Variants in MBTPS1 observed in about 807,000 individuals in gnomAD.
MBTPS1 encodes membrane bound transcription factor peptidase, site 1.
Under a neutral mutation model 127.8 loss-of-function variants are expected in MBTPS1, and 94 were observed. The ratio of observed to expected loss-of-function variants is 0.74; its 90% CI spans 0.62 to 0.87. MBTPS1 has a LOEUF of 0.87. Ranked by LOEUF, MBTPS1 falls within the 40% of genes least tolerant of loss-of-function variation. The pLI is 0.00. For synonymous variants in MBTPS1, 632 were observed against 509.4 expected, an observed-to-expected ratio of 1.24 and a Z score of -3.24; for missense variants, 1,636 against 1,353.2, an observed-to-expected ratio of 1.21 and a Z score of -3.28.
At chr16:84,114,229 G>A (rs144777195) in intron 1 of MBTPS1, among the ~76,000 whole-genome samples, 5,742 of 152,156 alleles carry the variant, frequency 0.038, 169 homozygotes, top group Non-Finnish European at 0.063. Context: ...CCAAAGTGCT[G>A]GGATTACAGG....
At position 84,109,925 on chromosome 16, in the gene MBTPS1, G is replaced by T. The variant is rs1483701650; in HGVS notation, c.-325+6810C>A. On this transcript the variant is annotated intron_variant, in intron 1 of 22. Transcript: ENST00000343411. The stretch of plus-strand genomic sequence containing the variant: ...AAAATACACCCACTAAAACACCGGG[G>T]GATAATGGAGTATCAGGTCTGCAAT... Among the ~76,000 whole-genome samples the T allele has an allele frequency of 3.3e-5, 5 of 152,124 alleles. No individual in the cohort carries two copies. The East Asian group carries it at 9.6e-4, about 29-fold the overall frequency.
chr16:84,070,803 G>C (rs772996389), intron 12 of MBTPS1, 27 bp from the exon 13 acceptor site: 2 of 1,570,006 alleles, frequency 1.3e-6, no homozygotes, highest in South Asian at 2.3e-5. Flanking sequence ...TCAGACAAAG[G>C]CTAAAGTGAA....
intron 16 of MBTPS1, among the ~76,000 whole-genome samples, chr16:84,067,121 A>G (rs1390867934): frequency 5.9e-5 from 9 of 152,140 alleles, no homozygotes; most frequent in African/African-American, 2.2e-4. Flanking sequence ...TTTACTCGAA[A>G]TATTCTTTAA....
chr16:84,063,277 T>A, intron 19 of MBTPS1, 28 bp downstream of exon 19: 3 of 1,591,282 alleles, frequency 1.9e-6, no homozygotes, highest in Non-Finnish European at 2.6e-6. Context: ...AGTGCCGAAG[T>A]CACAAAGTCC....
At position 84,054,481 on chromosome 16, in the gene MBTPS1, G is replaced by C. The variant is rs1202857170; in HGVS notation, c.3127C>G (p.Gln1043Glu). The C allele has an allele frequency of 6.2e-7, 1 of 1,610,696 alleles. No individual in the cohort carries two copies. The highest frequency in any genetic ancestry group is 8.5e-7 in the Non-Finnish European group (1 of 1,178,308). Residue 1043 changes from glutamine to glutamate, a missense_variant, in exon 23 of 23, where the codon CAG becomes GAG. Transcript: ENST00000343411. ...PRVKRPQLMQ[Q>E]VHPPKTPSV ...GAAGGGGTCTTTGGCGGGTGAACCT[G>C]CTGCATGAGCTGCGGGCGCTTCACC...
intron 19 of MBTPS1, chr16:84,061,392 T>G (rs1436459435): frequency 6.6e-6 from 1 of 152,530 alleles, no homozygotes; most frequent in Admixed American, 6.5e-5. Flanking sequence ...ACTGCCTGAG[T>G]GCCACACTCA....
At chr16:84,084,282 C>A (rs2085986119) in intron 10 of MBTPS1, among the ~76,000 whole-genome samples, 1 of 152,212 alleles carries the variant, frequency 6.6e-6, no homozygotes, top group Admixed American at 6.5e-5. Context: ...CTTCCAGTTT[C>A]ATTATCTGCA....
chr16:84,066,604 C>A lies in MBTPS1; in HGVS notation c.2238G>T (p.Trp746Cys). The part of the protein sequence containing the change: ...KFYDENTRQW[W>C]MPDTGGANIP... ...TGTTAGCTCCTCCGGTATCCGGCAT[C>A]CACCACTGCCTGGGAAAGTGGTAAC... is the stretch of plus-strand genomic sequence containing the variant. Residue 746 changes from tryptophan to cysteine, a missense_variant, in exon 17 of 23, where the codon TGG becomes TGT. By Grantham distance (215) the Trp-to-Cys change is radical. Coordinates refer to ENST00000343411, the MANE Select transcript of MBTPS1 (RefSeq NM_003791.4). 1 of 1,614,044 alleles carries A rather than the reference C, an allele frequency of 6.2e-7. No individual in the cohort carries two copies. Among genetic ancestry groups the A allele is most frequent in the Middle Eastern group, 1.6e-4 (1 of 6,062 alleles).
rs16962813 is a variant in MBTPS1, at chr16:84,094,813, C to T, written c.625+789G>A. Among the ~76,000 whole-genome samples, 343 of 152,034 alleles carry T rather than the reference C, an allele frequency of 2.3e-3. 13 individuals are homozygous for T. The East Asian group carries it at 0.052, about 23-fold the overall frequency. On this transcript the variant is annotated intron_variant, in intron 4 of 22. Transcript: ENST00000343411. ...ACATTTTAATGAAATGCCAGTCCAC[C>T]GGGTATTAAAAGTTGAAGTATCTCA...
chr16:84,098,280 A>C (rs1438678998), intron 3 of MBTPS1, among the ~76,000 whole-genome samples: 1 of 152,200 alleles, frequency 6.6e-6, no homozygotes, highest in Non-Finnish European at 1.5e-5. Flanking sequence ...GACAAAAACA[A>C]AACGAAACCC....
intron 14 of MBTPS1, 61 bp from the exon 15 acceptor site, chr16:84,068,515 C>G (rs2085724097): frequency 1.6e-6 from 2 of 1,241,272 alleles, no homozygotes; most frequent in Non-Finnish European, 2.4e-6. Context: ...AAAGGCATAT[C>G]TGGCCACAGG....
intron 18 of MBTPS1, 68 bp downstream of exon 18, chr16:84,065,622 A>G (rs2085670049): frequency 4.0e-6 from 4 of 993,500 alleles, no homozygotes; most frequent in Non-Finnish European, 6.5e-6. Flanking sequence ...TGAGAGACAG[A>G]GAGAGAAGCG....
intron 1 of MBTPS1, among the ~76,000 whole-genome samples, chr16:84,106,945 G>C (rs2086332259): frequency 6.6e-6 from 1 of 152,192 alleles, no homozygotes; most frequent in Non-Finnish European, 1.5e-5. Flanking sequence ...TGCCCGACTG[G>C]ACCAGTGGTG....
At position 84,070,851 on chromosome 16, in the gene MBTPS1, C is replaced by A. The variant is rs1240559712; in HGVS notation, c.1594-75G>T. ...AAAACACGTGGAAACCAGAAAAACT[C>A]AATTCTTACCAAAACTGGTTCCGAG... is the stretch of plus-strand genomic sequence containing the variant. On this transcript the variant is annotated intron_variant, in intron 12 of 22. Coordinates refer to ENST00000343411, the MANE Select transcript of MBTPS1 (RefSeq NM_003791.4). The A allele has an allele frequency of 2.6e-6, 3 of 1,158,216 alleles. No individual in the cohort carries two copies. The Admixed American group carries it at 7.4e-5, about 28-fold the overall frequency. 71.7% of individuals were successfully genotyped at this position (1,158,216 alleles called of 1,614,324 possible).
intron 8 of MBTPS1, 98 bp from the exon 9 acceptor site, chr16:84,087,558 G>C: frequency 1.3e-6 from 1 of 769,560 alleles, no homozygotes; most frequent in Non-Finnish European, 2.1e-6. Context: ...AATACTCCCA[G>C]AACAATCTAA....
At chr16:84,065,549 A>AG (rs2085668963) in intron 18 of MBTPS1, 141 bp downstream of exon 18, 1 of 648,768 alleles carries the variant, frequency 1.5e-6, no homozygotes, top group African/African-American at 1.9e-5. Context: ...ACACTTTAAA[A>AG]GGGCAACTGT....
Position 84,054,417 on chromosome 16 carries a change from T to C in MBTPS1, c.*32A>G. 1.3e-6 allele frequency: 2 copies of C among 1,548,950 alleles called. No homozygotes were observed. Among genetic ancestry groups the C allele is most frequent in the African/African-American group, 1.4e-5 (1 of 73,148 alleles). On this transcript the variant is annotated 3_prime_UTR_variant, in exon 23 of 23. Coordinates refer to ENST00000343411, the MANE Select transcript of MBTPS1 (RefSeq NM_003791.4). ...CCACCAGCGCCGTCCGTGAAGGCTC[T>C]CTCTGGCCCTCACGGTCAGCCAGGC...
intron 6 of MBTPS1, among the ~76,000 whole-genome samples, chr16:84,092,865 T>A (rs981955309): frequency 2.6e-5 from 4 of 152,172 alleles, no homozygotes; most frequent in African/African-American, 9.7e-5. Flanking sequence ...TTCTGTTCTA[T>A]CATGCAGACA....
In MBTPS1 at chr16:84,095,654, G is replaced by A; in HGVS notation, c.573C>T (p.Arg191=). 2 of 1,614,206 alleles carry A rather than the reference G, an allele frequency of 1.2e-6. No individual in the cohort carries two copies. The highest frequency in any genetic ancestry group is 1.7e-6 in the Non-Finnish European group (2 of 1,180,034). The stretch of plus-strand genomic sequence containing the variant: ...CTGCCTGCAGTGTCTGGGCAACCTG[G>A]CGCGGGATGGCTCTCAGCAGCCGTC... ...SSRRLLRAIP[R]QVAQTLQADV... Residue 191 remains arginine, a synonymous_variant, in exon 4 of 23, where the codon CGC becomes CGT. Transcript: ENST00000343411.
Sources: gnomAD v4.1 joint callset for allele counts (sites outside exome capture counted in the v4.1 genomes callset) on GRCh38, gnomAD v4.1.1 for gene constraint, MANE v1.5 for transcripts, NCBI Gene and HGNC (gene_info 2026-07-23, HGNC 2026-07-21) for gene names.